The following CCDC171 variants were observed in gnomAD, a reference collection of about 807,000 sequenced individuals.
CCDC171 encodes coiled-coil domain-containing protein 171.
A neutral mutation model predicts 168.2 loss-of-function variants in CCDC171; 177 were observed. That is an observed-to-expected ratio of 1.05 (90% CI 0.93 to 1.19). The LOEUF (loss-of-function observed/expected upper bound fraction) is 1.19. Ranked by LOEUF, CCDC171 falls within the 50% of genes most tolerant of loss-of-function variation. The pLI, the probability that CCDC171 is intolerant of heterozygous loss-of-function variation, is 0.00. For synonymous variants in CCDC171, 687 were observed against 540.8 expected, an observed-to-expected ratio of 1.27 and a Z score of -3.75; for missense variants, 1,991 against 1,539.0, an observed-to-expected ratio of 1.29 and a Z score of -4.91.
At chr9:15,844,704 C>T (rs1282500451) in intron 21 of CCDC171, among the ~76,000 whole-genome samples, 1 of 151,986 alleles carries the variant, frequency 6.6e-6, no homozygotes, top group Non-Finnish European at 1.5e-5. Context: ...TGACTCCTGT[C>T]GTTGCCCCTG....
chr9:15,777,636 G>A lies in CCDC171; in HGVS notation c.2708G>A (p.Gly903Asp), dbSNP rs2057399761. The A allele has an allele frequency of 1.4e-5, 23 of 1,613,464 alleles. No homozygotes were observed. Among genetic ancestry groups the A allele is most frequent in the Non-Finnish European group, 1.9e-5 (22 of 1,179,826 alleles). ...AGAATTTGTGGACATTTACTCATAGGTGCAGCCAAGAATTCTTTTGCAAAA... is the reference window on the plus strand; with the variant it reads ...AGAATTTGTGGACATTTACTCATAGATGCAGCCAAGAATTCTTTTGCAAAA... ...NSRICGHLLIGAAKNSFAKLM... is the reference protein window; with the variant it reads ...NSRICGHLLIDAAKNSFAKLM... Residue 903 changes from glycine to aspartate, a missense_variant, in exon 19 of 26, where the codon GGT becomes GAT. Gly to Asp is a moderately conservative substitution (Grantham distance 94). Transcript: ENST00000380701.
At chr9:16,026,919 C>G (rs1266309223) in intron 6 of CCDC171, among the ~76,000 whole-genome samples, 4 of 152,160 alleles carry the variant, frequency 2.6e-5, no homozygotes, top group Non-Finnish European at 5.9e-5. Context: ...CCAGTTAACC[C>G]TCTGTGAGTT....
At chr9:15,722,598 A>G (rs912792767) in intron 12 of CCDC171, among the ~76,000 whole-genome samples, 1 of 152,158 alleles carries the variant, frequency 6.6e-6, no homozygotes, top group East Asian at 1.9e-4. Flanking sequence ...CAACAAACAG[A>G]TTGTTAGAGT....
intron 7 of CCDC171, among the ~76,000 whole-genome samples, chr9:15,651,584 C>T (rs973996733): frequency 2.6e-5 from 4 of 152,002 alleles, no homozygotes; most frequent in South Asian, 2.1e-4. Flanking sequence ...CTCTCACATA[C>T]GAGTGAGAAC....
chr9:16,108,016 T>C, the CCDC171 span, among the ~76,000 whole-genome samples: 1 of 152,200 alleles, frequency 6.6e-6, no homozygotes, highest in East Asian at 1.9e-4. Context: ...AAAAAATACA[T>C]TGTTGCTGGC....
chr9:15,804,884 T>G (rs779787518), intron 21 of CCDC171, among the ~76,000 whole-genome samples: 5 of 152,156 alleles, frequency 3.3e-5, no homozygotes, highest in Non-Finnish European at 7.4e-5. Context: ...TGTCTGGTCT[T>G]GGGCTTTTTT....
intron 2 of CCDC171, among the ~76,000 whole-genome samples, chr9:15,569,670 C>T (rs1587022872): frequency 6.6e-6 from 1 of 151,608 alleles, no homozygotes. Flanking sequence ...AAAAAATTAG[C>T]CGGGCGTGGT....
chr9:15,884,342 C>A (rs1214634156), intron 24 of CCDC171, among the ~76,000 whole-genome samples: 1 of 152,016 alleles, frequency 6.6e-6, no homozygotes, highest in Admixed American at 6.6e-5. Context: ...AATAATTTTT[C>A]TTTAAATATT....
chr9:15,859,151 G>A (rs770081032), intron 23 of CCDC171, among the ~76,000 whole-genome samples: 9 of 151,986 alleles, frequency 5.9e-5, no homozygotes, highest in Non-Finnish European at 1.3e-4. Context: ...TATTGATTGT[G>A]TGAATTTTGT....
At chr9:15,697,112 G>C (rs1464024379) in intron 11 of CCDC171, among the ~76,000 whole-genome samples, 8 of 152,160 alleles carry the variant, frequency 5.3e-5, no homozygotes, top group Non-Finnish European at 8.8e-5. Flanking sequence ...TGGACAGTAG[G>C]TGCACCCACA....
intron 8 of CCDC171, among the ~76,000 whole-genome samples, chr9:15,662,954 C>T (rs796715486): frequency 2.6e-5 from 4 of 151,804 alleles, no homozygotes; most frequent in African/African-American, 9.7e-5. Context: ...ACACTCCAGC[C>T]TGGGGGACAA....
intron 25 of CCDC171, among the ~76,000 whole-genome samples, chr9:15,940,326 A>G (rs192009282): frequency 7.1e-4 from 108 of 152,038 alleles, no homozygotes; most frequent in African/African-American, 2.4e-3. Context: ...ATCTTATCTA[A>G]TTAAGCTGCA....
intron 18 of CCDC171, among the ~76,000 whole-genome samples, chr9:15,776,841 A>T (rs1027320351): frequency 6.6e-6 from 1 of 152,220 alleles, no homozygotes; most frequent in Non-Finnish European, 1.5e-5. Flanking sequence ...AGAGGCTCTT[A>T]AAAATGTAGA....
intron 21 of CCDC171, among the ~76,000 whole-genome samples, chr9:15,814,243 C>T (rs1219866602): frequency 6.6e-6 from 1 of 152,090 alleles, no homozygotes; most frequent in Non-Finnish European, 1.5e-5. Context: ...TTCCATTGTC[C>T]CAAAGTGAGT....
chr9:15,726,081 T>C (rs1410860603), intron 14 of CCDC171, among the ~76,000 whole-genome samples: 1 of 152,192 alleles, frequency 6.6e-6, no homozygotes, highest in Non-Finnish European at 1.5e-5. Flanking sequence ...CTCCAACAAA[T>C]ATGAACATGA....
At chr9:15,655,806 G>C (rs1258668208) in intron 7 of CCDC171, among the ~76,000 whole-genome samples, 1 of 152,174 alleles carries the variant, frequency 6.6e-6, no homozygotes, top group African/African-American at 2.4e-5. Context: ...TACATGAAAA[G>C]ATGCTCAGTG....
intron 11 of CCDC171, among the ~76,000 whole-genome samples, chr9:15,715,567 A>G (rs1245632613): frequency 6.6e-6 from 1 of 152,236 alleles, no homozygotes; most frequent in Non-Finnish European, 1.5e-5. Flanking sequence ...ACACTAAACA[A>G]CAGAGTTCAG....
rs113160586 is a variant in CCDC171 at position 15,747,715 on chromosome 9, G to A, written c.2671+2084G>A. ...GGAATAGCATCAACATCAACAAAAA[G>A]GACATCCACACCAAAACCTCATCTG... On this transcript the variant is annotated intron_variant, in intron 18 of 25. Coordinates refer to ENST00000380701, the MANE Select transcript of CCDC171 (RefSeq NM_173550.4). Among the ~76,000 whole-genome samples the A allele has an allele frequency of 1.9e-3, 282 of 152,188 alleles. 1 individual carries two copies. The highest frequency in any genetic ancestry group is 6.4e-3 in the African/African-American group (267 of 41,514).
chr9:16,069,250 G>T, the CCDC171 span, among the ~76,000 whole-genome samples: 1 of 152,242 alleles, frequency 6.6e-6, no homozygotes, highest in Non-Finnish European at 1.5e-5. Context: ...TGGTATATGT[G>T]TAATGTGTGT....
Sources: allele counts gnomAD v4.1 joint callset (sites outside exome capture counted in the v4.1 genomes callset), GRCh38; gene constraint gnomAD v4.1.1; transcripts MANE v1.5; gene names NCBI Gene and HGNC (gene_info 2026-07-23, HGNC 2026-07-21).